The following ADCY8 variants were observed in gnomAD, a reference collection of about 807,000 sequenced individuals.
ADCY8 encodes adenylate cyclase 8, also known as adenylate cyclase type 8.
A neutral mutation model predicts 119.7 loss-of-function variants in ADCY8; 51 were observed. The ratio of observed to expected loss-of-function variants is 0.43; its 90% CI spans 0.34 to 0.54. ADCY8 has a LOEUF of 0.54. Among genes scored for constraint, ADCY8 ranks in the 20% least tolerant of loss-of-function variants. The pLI is 0.03. For missense variants in ADCY8, 1,383 were observed against 1,598.8 expected (o/e 0.87, Z 2.30); for synonymous variants, 665 against 651.0 (o/e 1.02, Z -0.33).
intron 1 of ADCY8, among the ~76,000 whole-genome samples, chr8:131,002,711 A>C (rs1045058953): frequency 3.3e-5 from 5 of 152,160 alleles, no homozygotes; most frequent in African/African-American, 1.2e-4. Flanking sequence ...AAAGTAAATA[A>C]AAGTAAAATA....
intron 13 of ADCY8, among the ~76,000 whole-genome samples, chr8:130,818,238 G>C (rs997100565): frequency 2.0e-5 from 3 of 152,182 alleles, no homozygotes; most frequent in African/African-American, 7.2e-5. Flanking sequence ...TCCAAGGCTT[G>C]AGTCTTTCCT....
At chr8:130,844,702 A>G (rs1436962618) in intron 11 of ADCY8, among the ~76,000 whole-genome samples, 3 of 152,212 alleles carry the variant, frequency 2.0e-5, no homozygotes, top group East Asian at 3.8e-4. Flanking sequence ...ACACACACAT[A>G]CATACATGTA....
intron 2 of ADCY8, among the ~76,000 whole-genome samples, chr8:130,983,924 A>G (rs1822316745): frequency 6.6e-6 from 1 of 152,210 alleles, no homozygotes; most frequent in South Asian, 2.1e-4. Context: ...CTTGGCTGCA[A>G]AGGAAGCAGA....
intron 1 of ADCY8, among the ~76,000 whole-genome samples, chr8:131,021,446 C>T (rs764000686): frequency 2.0e-5 from 3 of 152,156 alleles, no homozygotes; most frequent in Non-Finnish European, 4.4e-5. Context: ...ACCTTTTAAA[C>T]GCTTCTCCAA....
chr8:130,783,276 T>C (rs1815143773), intron 17 of ADCY8, among the ~76,000 whole-genome samples: 1 of 152,236 alleles, frequency 6.6e-6, no homozygotes. Context: ...AGTAGAATCC[T>C]GCTTTTGTCT....
Position 130,921,221 on chromosome 8 carries a change from C to A in ADCY8, c.1482-11355G>T, listed in dbSNP as rs12678961. Among the ~76,000 whole-genome samples, 68 of 152,136 alleles carry A rather than the reference C, an allele frequency of 4.5e-4. No homozygotes were observed. In the East Asian group the frequency reaches 0.012, roughly 27 times the overall value. The stretch of plus-strand genomic sequence containing the variant: ...CAATTTCATCACAGAGCTTTATGTC[C>A]TTTCTTTTTATAAAAATAGATGTAT... On this transcript the variant is annotated intron_variant, in intron 5 of 17. Coordinates refer to ENST00000286355, the MANE Select transcript of ADCY8 (RefSeq NM_001115.3).
At chr8:131,015,248 A>G (rs980533994) in intron 1 of ADCY8, among the ~76,000 whole-genome samples, 2 of 152,190 alleles carry the variant, frequency 1.3e-5, no homozygotes, top group African/African-American at 2.4e-5. Flanking sequence ...AAAAAATAAC[A>G]TTTTATTTGC....
intron 1 of ADCY8, among the ~76,000 whole-genome samples, chr8:131,023,456 G>A (rs1188807692): frequency 6.6e-6 from 1 of 152,166 alleles, no homozygotes; most frequent in African/African-American, 2.4e-5. Context: ...AGGTCACAGA[G>A]CAGAAGATGG....
chr8:130,987,201 C>G (rs993301297), intron 2 of ADCY8, among the ~76,000 whole-genome samples: 1 of 152,062 alleles, frequency 6.6e-6, no homozygotes, highest in African/African-American at 2.4e-5. Context: ...TATGGTGTAC[C>G]CTTTACTGCT....
chr8:130,929,742 T>G (rs778176676), intron 5 of ADCY8, among the ~76,000 whole-genome samples: 2 of 152,230 alleles, frequency 1.3e-5, no homozygotes, highest in Non-Finnish European at 2.9e-5. Flanking sequence ...GTTGAAGTCC[T>G]CTACTATAGT....
chr8:130,810,780 T>C (rs1036544259), intron 14 of ADCY8, among the ~76,000 whole-genome samples: 2 of 152,220 alleles, frequency 1.3e-5, no homozygotes, highest in African/African-American at 4.8e-5. Context: ...TACATGCGAT[T>C]AATGCTGAAG....
intron 1 of ADCY8, among the ~76,000 whole-genome samples, chr8:131,017,569 G>C (rs1366233277): frequency 1.3e-5 from 2 of 152,164 alleles, no homozygotes; most frequent in Non-Finnish European, 1.5e-5. Flanking sequence ...AGAGCACTGG[G>C]TGCTAGATGC....
At chr8:130,996,409 G>T (rs939072867) in intron 1 of ADCY8, among the ~76,000 whole-genome samples, 3 of 151,804 alleles carry the variant, frequency 2.0e-5, no homozygotes, top group Non-Finnish European at 2.9e-5. Flanking sequence ...ATTAGAGGGG[G>T]GTCTTGACCA....
At chr8:130,955,349 A>T (rs1310923886) in intron 2 of ADCY8, among the ~76,000 whole-genome samples, 2 of 152,218 alleles carry the variant, frequency 1.3e-5, no homozygotes, top group Non-Finnish European at 2.9e-5. Flanking sequence ...TCTCAAGGTT[A>T]TACAGCAAAG....
intron 1 of ADCY8, among the ~76,000 whole-genome samples, chr8:130,992,369 C>G (rs1267561747): frequency 2.2e-5 from 1 of 44,502 alleles, no homozygotes; most frequent in Non-Finnish European, 4.1e-5. Context: ...CATACATGAG[C>G]AACTGTATCT....
At chr8:130,809,000 G>T (rs1163131526) in intron 14 of ADCY8, among the ~76,000 whole-genome samples, 1 of 152,124 alleles carries the variant, frequency 6.6e-6, no homozygotes, top group African/African-American at 2.4e-5. Flanking sequence ...GGCTTTATCT[G>T]CAAGAATGTT....
At chr8:131,014,456 A>G (rs1030477691) in intron 1 of ADCY8, among the ~76,000 whole-genome samples, 1 of 152,192 alleles carries the variant, frequency 6.6e-6, no homozygotes, top group Non-Finnish European at 1.5e-5. Flanking sequence ...CACAATTTTT[A>G]AAAATAAATA....
At chr8:130,873,867 T>C (rs114767537) in intron 8 of ADCY8, among the ~76,000 whole-genome samples, 1,718 of 152,250 alleles carry the variant, frequency 0.011, 40 homozygotes, top group African/African-American at 0.039. Flanking sequence ...ACATCTTTTA[T>C]TAGTATATAT....
chr8:130,939,374 G>C (rs1334118908), intron 4 of ADCY8, among the ~76,000 whole-genome samples: 1 of 152,128 alleles, frequency 6.6e-6, no homozygotes, highest in African/African-American at 2.4e-5. Context: ...GAGAACCAGT[G>C]TTCCAAAATC....
Sources: gnomAD v4.1 joint callset for allele counts (sites outside exome capture counted in the v4.1 genomes callset) on GRCh38, gnomAD v4.1.1 for gene constraint, MANE v1.5 for transcripts, NCBI Gene and HGNC (gene_info 2026-07-23, HGNC 2026-07-21) for gene names.